CHL1: variants seen among roughly 807,000 people sequenced by gnomAD.
The protein encoded by CHL1 is neural cell adhesion molecule L1-like protein.
Under a neutral mutation model 141.9 loss-of-function variants are expected in CHL1, and 96 were observed. The ratio of observed to expected loss-of-function variants is 0.68; its 90% CI spans 0.57 to 0.80. The LOEUF (loss-of-function observed/expected upper bound fraction) is 0.80. Ranked by LOEUF, CHL1 falls within the 30% of genes least tolerant of loss-of-function variation. The pLI, the probability that CHL1 is intolerant of heterozygous loss-of-function variation, is 0.00. For synonymous variants in CHL1, 613 were observed against 502.2 expected (o/e 1.22, Z -2.95); for missense variants, 1,820 against 1,457.2 (o/e 1.25, Z -4.05).
chr3:371,335 A>G (rs1260758817), intron 15 of CHL1, among the ~76,000 whole-genome samples: 2 of 152,056 alleles, frequency 1.3e-5, no homozygotes, highest in African/African-American at 4.8e-5. Flanking sequence ...CTTCTGGTTG[A>G]ATTGTTCCCT....
At chr3:322,646 ATATATAT>A (rs1340647055) in intron 3 of CHL1, among the ~76,000 whole-genome samples, 3 of 27,244 alleles carry the variant, frequency 1.1e-4, no homozygotes, top group East Asian at 7.8e-4. Context: ...TATATATAAA[ATATATAT>A]ATATATATAT....
intron 13 of CHL1, 66 bp from the exon 14 acceptor site, chr3:363,151 C>G: frequency 1.5e-6 from 2 of 1,338,358 alleles, no homozygotes; most frequent in Non-Finnish European, 1.0e-6. Context: ...ACGTCACTGA[C>G]TAGTATTAAA....
At chr3:254,785 A>G (rs537414263) in intron 2 of CHL1, among the ~76,000 whole-genome samples, 6 of 152,288 alleles carry the variant, frequency 3.9e-5, no homozygotes, top group South Asian at 2.1e-4. Flanking sequence ...TAAATCCTGC[A>G]TGAAGCCTCT....
intron 4 of CHL1, among the ~76,000 whole-genome samples, chr3:327,194 G>A (rs992164629): frequency 6.6e-6 from 1 of 151,920 alleles, no homozygotes; most frequent in African/African-American, 2.4e-5. Flanking sequence ...GTCCATTGAA[G>A]GTTTGTTATT....
intron 1 of CHL1, among the ~76,000 whole-genome samples, chr3:226,463 A>G (rs1701362324): frequency 6.7e-6 from 1 of 150,070 alleles, no homozygotes; most frequent in Non-Finnish European, 1.5e-5. Context: ...TTTTTCTGAG[A>G]CGGAGTTTTG....
intron 2 of CHL1, among the ~76,000 whole-genome samples, chr3:271,204 G>A (rs1695606485): frequency 2.0e-5 from 3 of 152,114 alleles, no homozygotes; most frequent in Admixed American, 1.3e-4. Context: ...TTGTGAACTC[G>A]GGCAAGTCAT....
Position 349,403 on chromosome 3 carries a change from C to T in CHL1, c.893C>T (p.Pro298Leu). 3.7e-6 allele frequency: 6 copies of T among 1,613,688 alleles called. No homozygotes were observed. The highest frequency in any genetic ancestry group is 5.1e-6 in the Non-Finnish European group (6 of 1,179,744). ...VDWNKIGGDL[P>L]KGRETKENYG... ...TGGAACAAAATTGGTGGTGACTTACCAAAGGGGAGAGAAACAAAAGAAAAT... is the reference window on the plus strand; with the variant it reads ...TGGAACAAAATTGGTGGTGACTTACTAAAGGGGAGAGAAACAAAAGAAAAT... The change falls in exon 10 of 28, where the codon CCA becomes CTA. Residue 298 changes from proline (P) to leucine (L), a missense_variant. Transcript: ENST00000256509.
At chr3:231,284 A>AT (rs1474475726) in intron 1 of CHL1, among the ~76,000 whole-genome samples, 1 of 152,020 alleles carries the variant, frequency 6.6e-6, no homozygotes, top group Non-Finnish European at 1.5e-5. Context: ...ATTAAGGCAG[A>AT]TTTTTTTCCT....
intron 2 of CHL1, among the ~76,000 whole-genome samples, chr3:295,387 A>G (rs1464937219): frequency 1.3e-5 from 2 of 152,194 alleles, no homozygotes; most frequent in Non-Finnish European, 2.9e-5. Flanking sequence ...CCTTTGACTA[A>G]TGGCCAAAAG....
chr3:297,115 G>C (rs192341515), intron 2 of CHL1, among the ~76,000 whole-genome samples: 203 of 152,084 alleles, frequency 1.3e-3, no homozygotes, highest in Non-Finnish European at 2.4e-3. Flanking sequence ...AGTCCCAGCT[G>C]CTCGGGAGGC....
At chr3:292,164 T>C (rs549798272) in intron 2 of CHL1, among the ~76,000 whole-genome samples, 1 of 152,342 alleles carries the variant, frequency 6.6e-6, no homozygotes, top group East Asian at 1.9e-4. Context: ...GCTGACTCTG[T>C]GTTTCAAATC....
chr3:342,751 C>G lies in CHL1; in HGVS notation c.680-233C>G, dbSNP rs554466529. Among the ~76,000 whole-genome samples, 5 of 152,160 alleles carry G rather than the reference C, an allele frequency of 3.3e-5. No homozygotes were observed. In the East Asian group the frequency reaches 7.7e-4, roughly 23 times the overall value. On this transcript the variant is annotated intron_variant, in intron 7 of 27. Transcript: ENST00000256509. ...TTCACTATAACATTCTTCTAGTAGC[C>G]TCAGTTCTCTTCAGTGGAGCTATAA... is the stretch of plus-strand genomic sequence containing the variant.
At chr3:258,787 C>A (rs975524448) in intron 2 of CHL1, among the ~76,000 whole-genome samples, 18 of 151,924 alleles carry the variant, frequency 1.2e-4, no homozygotes, top group Admixed American at 1.2e-3. Context: ...ATCTCTTGTT[C>A]TAGATATCAT....
intron 5 of CHL1, among the ~76,000 whole-genome samples, chr3:330,851 A>G (rs1701380780): frequency 6.6e-6 from 1 of 152,188 alleles, no homozygotes; most frequent in Non-Finnish European, 1.5e-5. Context: ...TTAAGCCATT[A>G]TGGTTCTGTG....
intron 1 of CHL1, among the ~76,000 whole-genome samples, chr3:230,130 CA>C (rs1445779852): frequency 3.3e-5 from 5 of 152,150 alleles, no homozygotes; most frequent in Non-Finnish European, 7.4e-5. Flanking sequence ...ACCAGAGCTT[CA>C]AAAAGGGCTT....
intron 8 of CHL1, 114 bp downstream of exon 8, chr3:343,145 A>C: frequency 1.3e-6 from 1 of 767,108 alleles, no homozygotes. Flanking sequence ...TTATTATGAA[A>C]AACATCTGAA....
At position 390,656 on chromosome 3, in the gene CHL1, C is replaced by T. The variant is rs371560188; in HGVS notation, c.2471-45C>T. ...TTTTTGAAAAGGATCCTAACAATCA[C>T]ATTTGCAGGTTATTGAAAACTAATC... On this transcript the variant is annotated intron_variant, in intron 20 of 27. Coordinates refer to ENST00000256509, the MANE Select transcript of CHL1 (RefSeq NM_006614.4). 3.6e-6 allele frequency: 4 copies of T among 1,125,262 alleles called. No individual in the cohort carries two copies. The African/African-American group carries it at 6.2e-5, about 17-fold the overall frequency. 69.7% of individuals were successfully genotyped at this position (1,125,262 alleles called of 1,614,324 possible).
chr3:398,666 A>G (rs1708872862), intron 25 of CHL1, among the ~76,000 whole-genome samples: 1 of 152,208 alleles, frequency 6.6e-6, no homozygotes, highest in African/African-American at 2.4e-5. Flanking sequence ...AAAGCAAAAC[A>G]AAACAAAAAC....
In CHL1 at chr3:377,936, G is replaced by C. The variant is rs878969226; in HGVS notation, c.1870G>C (p.Val624Leu). 8 of 1,603,956 alleles carry C rather than the reference G, an allele frequency of 5.0e-6. No homozygotes were observed. The highest frequency in any genetic ancestry group is 6.8e-6 in the Non-Finnish European group (8 of 1,176,984). ...TGCTGCCGATATAACTCAAGTAACT[G>C]TTCTTGGTAAGTGCACTAACTAATG... Reference protein sequence around the residue: ...DSAADITQVTVLDVPDPPENL... With the variant: ...DSAADITQVTLLDVPDPPENL... The change falls in exon 16 of 28, where the codon GTT becomes CTT. Residue 624 changes from valine to leucine, a missense_variant. By Grantham distance (32) the Val-to-Leu change is conservative (BLOSUM62 1). Coordinates refer to ENST00000256509, the MANE Select transcript of CHL1 (RefSeq NM_006614.4).
Sources: gnomAD v4.1 joint callset for allele counts (sites outside exome capture counted in the v4.1 genomes callset) on GRCh38, gnomAD v4.1.1 for gene constraint, MANE v1.5 for transcripts, NCBI Gene and HGNC (gene_info 2026-07-23, HGNC 2026-07-21) for gene names.